The following ANO10 variants were observed in gnomAD, a reference collection of about 807,000 sequenced individuals.
The protein encoded by ANO10 is anoctamin 10.
A neutral mutation model predicts 74.7 loss-of-function variants in ANO10; 77 were observed. That is an observed-to-expected ratio of 1.03 (90% CI 0.86 to 1.25). The LOEUF is 1.25. Ranked by LOEUF, ANO10 falls within the 50% of genes most tolerant of loss-of-function variation. The pLI, the probability that ANO10 is intolerant of heterozygous loss-of-function variation, is 0.00. For missense variants in ANO10, 721 were observed against 778.1 expected, an observed-to-expected ratio of 0.93 and a Z score of 0.87; for synonymous variants, 279 against 284.9, an observed-to-expected ratio of 0.98 and a Z score of 0.21.
intron 1 of ANO10, among the ~76,000 whole-genome samples, chr3:43,636,708 G>C (rs1331356560): frequency 6.6e-6 from 1 of 152,166 alleles, no homozygotes; most frequent in Non-Finnish European, 1.5e-5. Flanking sequence ...ACAATATATT[G>C]TCATATATTT....
At chr3:43,496,658 A>G (rs1282341689) in intron 11 of ANO10, among the ~76,000 whole-genome samples, 1 of 151,982 alleles carries the variant, frequency 6.6e-6, no homozygotes, top group Non-Finnish European at 1.5e-5. Context: ...AGGTTTCGTC[A>G]TGTTGCCCAA....
In ANO10 at chr3:43,665,254, C is replaced by G. The variant is rs899310034; in HGVS notation, c.-12+26263G>C. ...ATGGATGAAGCTGGAAACCATCATTCTCAGCAAACTATCACAAGATCAGAA... is the reference window on the plus strand; with the variant it reads ...ATGGATGAAGCTGGAAACCATCATTGTCAGCAAACTATCACAAGATCAGAA... On this transcript the variant is annotated intron_variant, in intron 1 of 3. Transcript: ENST00000413397. Among the ~76,000 whole-genome samples, 13 of 152,124 alleles carry G rather than the reference C, an allele frequency of 8.5e-5. 1 individual carries two copies. Among genetic ancestry groups the G allele is most frequent in the Admixed American group, 4.6e-4 (7 of 15,272 alleles).
At chr3:43,573,049 A>G (rs1478250796) in intron 7 of ANO10, among the ~76,000 whole-genome samples, 2 of 152,106 alleles carry the variant, frequency 1.3e-5, no homozygotes, top group Non-Finnish European at 2.9e-5. Flanking sequence ...TCATCAGAGA[A>G]TAATAAAGTC....
At chr3:43,541,949 T>C (rs990530433) in intron 11 of ANO10, among the ~76,000 whole-genome samples, 1 of 152,192 alleles carries the variant, frequency 6.6e-6, no homozygotes, top group Non-Finnish European at 1.5e-5. Flanking sequence ...ATTTCTTCTG[T>C]AAGCCATGGA....
At chr3:43,641,622 G>T (rs948469495) in intron 1 of ANO10, among the ~76,000 whole-genome samples, 1 of 152,176 alleles carries the variant, frequency 6.6e-6, no homozygotes, top group African/African-American at 2.4e-5. Flanking sequence ...GACTTATAAG[G>T]TTGAAGTACC....
chr3:43,597,953 C>A (rs1045137909), intron 4 of ANO10, among the ~76,000 whole-genome samples: 7 of 151,506 alleles, frequency 4.6e-5, no homozygotes, highest in African/African-American at 1.7e-4. Context: ...ACAAAAAAAA[C>A]AGACTAGGGG....
intron 11 of ANO10, among the ~76,000 whole-genome samples, chr3:43,452,269 TCAC>T (rs2074912871): frequency 6.6e-6 from 1 of 152,352 alleles, no homozygotes; most frequent in Admixed American, 6.5e-5. Context: ...TGTGCAACTA[TCAC>T]CACAATACAT....
chr3:43,409,592 C>CT lies in ANO10; in HGVS notation c.1914+23018dup, dbSNP rs2092632279. 2.0e-5 allele frequency among the ~76,000 whole-genome samples: 3 copies of CT among 152,090 alleles called. No individual in the cohort carries two copies. In the South Asian group the frequency reaches 6.2e-4, roughly 32 times the overall value. ...ACAAGAAACAAAAGGAAGCACTATT[C>CT]TTACTCCTCTGTAACCAAGTCTATG... On this transcript the variant is annotated intron_variant, in intron 12 of 12. Coordinates refer to ENST00000292246, the MANE Select transcript of ANO10 (RefSeq NM_018075.5).
At chr3:43,659,168 C>T (rs964865512) in intron 1 of ANO10, among the ~76,000 whole-genome samples, 6 of 152,218 alleles carry the variant, frequency 3.9e-5, no homozygotes, top group Admixed American at 6.5e-5. Context: ...TTCTGCATTT[C>T]CAACTGAGGT....
chr3:43,481,895 T>C (rs940427496), intron 11 of ANO10, among the ~76,000 whole-genome samples: 4 of 151,906 alleles, frequency 2.6e-5, no homozygotes, highest in East Asian at 1.9e-4. Context: ...ACATCTTGTA[T>C]GTATTGATTG....
chr3:43,686,056 T>G (rs1041073638), intron 1 of ANO10, among the ~76,000 whole-genome samples: 2 of 152,160 alleles, frequency 1.3e-5, no homozygotes, highest in Non-Finnish European at 2.9e-5. Context: ...ATCTCTTGTC[T>G]CTGGAGGGCA....
intron 12 of ANO10, among the ~76,000 whole-genome samples, chr3:43,425,285 T>TC (rs2092882157): frequency 6.7e-6 from 1 of 150,092 alleles, no homozygotes; most frequent in African/African-American, 2.4e-5. Flanking sequence ...TGCCTTGGTC[T>TC]CCTAAAGTGC....
intron 11 of ANO10, among the ~76,000 whole-genome samples, chr3:43,526,981 A>G (rs2078230643): frequency 6.6e-6 from 1 of 151,804 alleles, no homozygotes; most frequent in Admixed American, 6.6e-5. Flanking sequence ...ATACACACAC[A>G]CATATGGTAC....
chr3:43,555,782 T>G (rs2149328746), intron 9 of ANO10, among the ~76,000 whole-genome samples: 1 of 152,356 alleles, frequency 6.6e-6, no homozygotes, highest in South Asian at 2.1e-4. Flanking sequence ...ATATGCATAT[T>G]AGGCTCAGTA....
intron 10 of ANO10, among the ~76,000 whole-genome samples, chr3:43,554,816 G>C (rs1216988195): frequency 6.6e-6 from 1 of 152,112 alleles, no homozygotes; most frequent in Non-Finnish European, 1.5e-5. Flanking sequence ...CAGGGTTGTG[G>C]TGAAACTCCT....
intron 11 of ANO10, among the ~76,000 whole-genome samples, chr3:43,512,404 T>C (rs1001948601): frequency 6.6e-6 from 1 of 152,192 alleles, no homozygotes; most frequent in Non-Finnish European, 1.5e-5. Flanking sequence ...TTTAAAATAA[T>C]GACTTACGCT....
intron 11 of ANO10, among the ~76,000 whole-genome samples, chr3:43,437,082 A>G (rs1439061411): frequency 6.6e-6 from 1 of 152,226 alleles, no homozygotes; most frequent in Non-Finnish European, 1.5e-5. Context: ...AGATTGAAAA[A>G]AATGTTATGG....
chr3:43,642,429 C>T (rs1169947145), intron 1 of ANO10, among the ~76,000 whole-genome samples: 2 of 152,150 alleles, frequency 1.3e-5, no homozygotes, highest in South Asian at 2.1e-4. Flanking sequence ...AGATCAAATC[C>T]ATTATGAGTG....
At chr3:43,642,147 G>T (rs1215155860) in intron 1 of ANO10, among the ~76,000 whole-genome samples, 1 of 152,164 alleles carries the variant, frequency 6.6e-6, no homozygotes, top group Non-Finnish European at 1.5e-5. Flanking sequence ...AACAGATCCA[G>T]GAATGACAAA....
Sources: allele counts gnomAD v4.1 joint callset (sites outside exome capture counted in the v4.1 genomes callset), GRCh38; gene constraint gnomAD v4.1.1; transcripts MANE v1.5; gene names NCBI Gene and HGNC (gene_info 2026-07-23, HGNC 2026-07-21).